FA2H: variants seen among roughly 807,000 people sequenced by gnomAD.
FA2H encodes fatty acid alpha-hydroxylase.
In FA2H, 22 loss-of-function variants were observed where a neutral mutation model predicts 44.9. That is an observed-to-expected ratio of 0.49 (90% CI 0.35 to 0.70). The LOEUF (loss-of-function observed/expected upper bound fraction) is 0.70. Among genes scored for constraint, FA2H ranks in the 30% least tolerant of loss-of-function variants. The pLI is 0.01. For missense variants in FA2H, 501 were observed against 504.9 expected, an observed-to-expected ratio of 0.99 and a Z score of 0.07; for synonymous variants, 243 against 213.2, an observed-to-expected ratio of 1.14 and a Z score of -1.22.
chr16:74,750,561 C>T (rs1287778551), intron 1 of FA2H, among the ~76,000 whole-genome samples: 1 of 152,140 alleles, frequency 6.6e-6, no homozygotes, highest in Non-Finnish European at 1.5e-5. Flanking sequence ...GCAGCAACAA[C>T]AACAACACCC....
At chr16:74,721,639 C>A (rs1275481547) in intron 4 of FA2H, among the ~76,000 whole-genome samples, 1 of 152,186 alleles carries the variant, frequency 6.6e-6, no homozygotes, top group South Asian at 2.1e-4. Context: ...CTAGACACAG[C>A]CTGATGGATG....
intron 1 of FA2H, among the ~76,000 whole-genome samples, chr16:74,764,077 G>C (rs1160603067): frequency 1.3e-5 from 2 of 152,166 alleles, no homozygotes; most frequent in Admixed American, 1.3e-4. Context: ...AGTGTTGCTA[G>C]CATCAAGTTT....
chr16:74,716,256 AGT>A, intron 6 of FA2H, 89 bp downstream of exon 6: 2 of 1,450,812 alleles, frequency 1.4e-6, no homozygotes, highest in Non-Finnish European at 1.9e-6. Context: ...TACATGGAAC[AGT>A]GCCTTGCCGT....
chr16:74,746,059 G>A (rs1302235191), intron 1 of FA2H, among the ~76,000 whole-genome samples: 1 of 151,344 alleles, frequency 6.6e-6, no homozygotes, highest in Non-Finnish European at 1.5e-5. Flanking sequence ...TGCCCGCCTC[G>A]GCCTCCTTGG....
chr16:74,719,844 C>A (rs1300978426), intron 4 of FA2H, among the ~76,000 whole-genome samples: 1 of 152,066 alleles, frequency 6.6e-6, no homozygotes, highest in Non-Finnish European at 1.5e-5. Flanking sequence ...AAGGGAGCCA[C>A]TGTGCCTGGC....
rs1286428765 is a variant in FA2H at position 74,726,351 on chromosome 16, G to A, written c.507-20C>T. ...CTGTACCTGCAGGAAGGCCATCAGG[G>A]TGAGAGAGATACATGCACAGGAGCT... On this transcript the variant is annotated intron_variant, in intron 3 of 6. Coordinates refer to ENST00000219368, the MANE Select transcript of FA2H (RefSeq NM_024306.5). 6.7e-7 allele frequency: 1 copy of A among 1,491,686 alleles called. No homozygotes were observed. The highest frequency in any genetic ancestry group is 9.4e-7 in the Non-Finnish European group (1 of 1,069,032). 92.4% of individuals were successfully genotyped at this position (1,491,686 alleles called of 1,614,324 possible). A position where few individuals can be genotyped will look rare whatever the true frequency, so the allele number is the denominator to read the frequency against.
intron 1 of FA2H, among the ~76,000 whole-genome samples, chr16:74,746,440 C>A (rs1316461546): frequency 6.6e-6 from 1 of 151,394 alleles, no homozygotes; most frequent in Non-Finnish European, 1.5e-5. Flanking sequence ...AACCTCCTAG[C>A]CTCGAAATCC....
chr16:74,759,186 A>C (rs1331970075), intron 1 of FA2H, among the ~76,000 whole-genome samples: 1 of 152,242 alleles, frequency 6.6e-6, no homozygotes, highest in Non-Finnish European at 1.5e-5. Flanking sequence ...TATTTCTATA[A>C]GGGAACTTCG....
At chr16:74,758,593 C>T (rs1017996480) in intron 1 of FA2H, among the ~76,000 whole-genome samples, 6 of 151,992 alleles carry the variant, frequency 3.9e-5, no homozygotes, top group Admixed American at 2.0e-4. Flanking sequence ...TCAATCCTAA[C>T]GAAATGCCAT....
chr16:74,738,474 A>C (rs1373893186), intron 2 of FA2H, among the ~76,000 whole-genome samples: 2 of 152,012 alleles, frequency 1.3e-5, no homozygotes, highest in Non-Finnish European at 2.9e-5. Context: ...TGTGGGCTGG[A>C]TCTCCCGTCC....
At chr16:74,774,391 T>A in intron 1 of FA2H, 95 bp downstream of exon 1, 1 of 1,244,694 alleles carries the variant, frequency 8.0e-7, no homozygotes, top group Admixed American at 3.0e-5. Context: ...GCTGTCACCT[T>A]GGGTCCTGCT....
chr16:74,726,165 G>A, intron 4 of FA2H, 60 bp downstream of exon 4: 2 of 1,154,746 alleles, frequency 1.7e-6, no homozygotes, highest in Non-Finnish European at 2.6e-6. Context: ...GCCAGGGAAA[G>A]CACTGAGGTC....
Sources: allele counts gnomAD v4.1 joint callset (sites outside exome capture counted in the v4.1 genomes callset), GRCh38; gene constraint gnomAD v4.1.1; transcripts MANE v1.5; gene names NCBI Gene and HGNC (gene_info 2026-07-23, HGNC 2026-07-21).